The following NPLOC4 variants were observed in gnomAD, a reference collection of about 807,000 sequenced individuals.
NPLOC4 encodes NPL4 homolog, ubiquitin recognition factor.
NPLOC4 carries 18 observed loss-of-function variants against 80.6 expected under a neutral mutation model. The observed-to-expected ratio is 0.22, with a 90% CI of 0.15 to 0.33. NPLOC4 has a LOEUF of 0.33. Among genes scored for constraint, NPLOC4 ranks in the 10% least tolerant of loss-of-function variants. The probability of loss-of-function intolerance (pLI) is 1.00; values close to 1 mark genes in which losing one functional copy is unlikely to be tolerated. For missense variants in NPLOC4, 540 were observed against 786.1 expected (o/e 0.69, Z 3.74); for synonymous variants, 313 against 301.5 (o/e 1.04, Z -0.39).
At position 81,616,939 on chromosome 17, in the gene NPLOC4, G is replaced by T. The variant is rs144637953; in HGVS notation, c.210-3445C>A. On this transcript the variant is annotated intron_variant, in intron 3 of 16. Coordinates refer to ENST00000331134, the MANE Select transcript of NPLOC4 (RefSeq NM_017921.4). ...TGACCAGGCGGGATTCTAGGACATG[G>T]AAGTGGCAGGCACCAAAGTCAGTGG... 4.4e-4 allele frequency among the ~76,000 whole-genome samples: 67 copies of T among 152,330 alleles called. No homozygotes were observed. The East Asian group carries it at 0.012, about 27-fold the overall frequency.
intron 12 of NPLOC4, among the ~76,000 whole-genome samples, chr17:81,574,967 C>A (rs189159331): frequency 6.6e-6 from 1 of 152,154 alleles, no homozygotes; most frequent in Non-Finnish European, 1.5e-5. Flanking sequence ...TGGCATCAAC[C>A]CTGCTTTAGA....
rs747583677 is a variant in NPLOC4, at chr17:81,606,668, TAGAC to T, written c.654+19_654+22del. 3 of 1,604,316 alleles carry T rather than the reference TAGAC, an allele frequency of 1.9e-6. No individual in the cohort carries two copies. The highest frequency in any genetic ancestry group is 2.7e-5 in the African/African-American group (2 of 74,596). On this transcript the variant is annotated intron_variant, in intron 7 of 16. Transcript: ENST00000331134. ...CGTTTCTCAGCCATGAAAACAAATC[TAGAC>T]AGACAGGGAACATCTCACCTGTCTG...
At chr17:81,607,351 T>C (rs1328427640) in intron 6 of NPLOC4, among the ~76,000 whole-genome samples, 5 of 150,720 alleles carry the variant, frequency 3.3e-5, no homozygotes, top group Admixed American at 6.7e-5. Flanking sequence ...GACCCTACTC[T>C]GAACTTTTTC....
chr17:81,564,083 A>AACACACACACACACACACACACAC (rs58774657), intron 16 of NPLOC4: 260 of 274,902 alleles, frequency 9.5e-4, no homozygotes, highest in African/African-American at 6.3e-3. Context: ...TCCAGCTCAA[A>AACACACACACACACACACACACAC]ACACACACAC....
In NPLOC4 at chr17:81,608,808, G is replaced by C. The variant is rs1477960880; in HGVS notation, c.450C>G (p.Asp150Glu). 20 of 1,583,358 alleles carry C rather than the reference G, an allele frequency of 1.3e-5. No homozygotes were observed. Among genetic ancestry groups the C allele is most frequent in the Non-Finnish European group, 1.7e-5 (20 of 1,164,384 alleles). Reference sequence around the variant, plus strand: ...CGGGAGGCTCGAGATGGTTTAGATAGTCCTCATCGAATGGCTGCCAAGACA... The same window carrying C: ...CGGGAGGCTCGAGATGGTTTAGATACTCCTCATCGAATGGCTGCCAAGACA... ...HCVPLEPFDE[D>E]YLNHLEPPVK... Residue 150 changes from aspartate to glutamate, a missense_variant, in exon 6 of 17, where the codon GAC (aspartate) becomes GAG (glutamate). Around this residue, in one of 6 missense-constraint regions of NPLOC4, gnomAD observed 61 missense variants for 156.7 expected, o/e 0.39. Coordinates refer to ENST00000331134, the MANE Select transcript of NPLOC4 (RefSeq NM_017921.4).
intron 16 of NPLOC4, chr17:81,563,747 G>T: frequency 2.8e-6 from 1 of 351,256 alleles, no homozygotes; most frequent in African/African-American, 2.2e-5. Context: ...AGACCTCATT[G>T]ATACAAAAAT....
intron 16 of NPLOC4, among the ~76,000 whole-genome samples, chr17:81,561,552 C>T (rs1312012358): frequency 6.6e-6 from 1 of 152,162 alleles, no homozygotes; most frequent in Non-Finnish European, 1.5e-5. Context: ...TTTGCGTACC[C>T]CAAGGCCCTG....
At chr17:81,598,057 T>C (rs2034966791) in intron 9 of NPLOC4, among the ~76,000 whole-genome samples, 1 of 139,842 alleles carries the variant, frequency 7.2e-6, no homozygotes, top group Non-Finnish European at 1.5e-5. Flanking sequence ...ATTGCGTCAC[T>C]GCACTCCAGC....
At chr17:81,589,398 G>A (rs371406645) in intron 11 of NPLOC4, among the ~76,000 whole-genome samples, 6 of 151,866 alleles carry the variant, frequency 4.0e-5, no homozygotes, top group African/African-American at 9.7e-5. Flanking sequence ...GTGCGGTGGC[G>A]GGCGCCTGTA....
At chr17:81,615,612 G>C (rs757699660) in intron 3 of NPLOC4, among the ~76,000 whole-genome samples, 1 of 152,176 alleles carries the variant, frequency 6.6e-6, no homozygotes, top group East Asian at 1.9e-4. Flanking sequence ...CTGCTTGTGG[G>C]GCCAAGGCCA....
chr17:81,605,866 G>A (rs1290528286), intron 7 of NPLOC4, among the ~76,000 whole-genome samples: 2 of 148,862 alleles, frequency 1.3e-5, no homozygotes, highest in South Asian at 2.1e-4. Context: ...CTGTCACCCA[G>A]GCTGGAGTGC....
chr17:81,606,957 G>A (rs781136580), intron 6 of NPLOC4, 143 bp from the exon 7 acceptor site: 4 of 712,084 alleles, frequency 5.6e-6, no homozygotes, highest in Non-Finnish European at 4.8e-6. Context: ...ATGGGCTAAG[G>A]ATGATTCTAA....
intron 2 of NPLOC4, among the ~76,000 whole-genome samples, chr17:81,623,084 C>A (rs2035707284): frequency 6.6e-6 from 1 of 151,696 alleles, no homozygotes. Flanking sequence ...ATCCCAGCTA[C>A]CCGTGAGGCT....
intron 9 of NPLOC4, among the ~76,000 whole-genome samples, chr17:81,598,123 G>T (rs2034970054): frequency 6.7e-6 from 1 of 149,104 alleles, no homozygotes; most frequent in African/African-American, 2.4e-5. Context: ...AAAGATAGAT[G>T]ATGAATGTTT....
intron 1 of NPLOC4, among the ~76,000 whole-genome samples, chr17:81,630,521 T>C (rs1394904015): frequency 1.3e-5 from 2 of 152,046 alleles, no homozygotes; most frequent in Admixed American, 1.3e-4. Context: ...GCTCAAGTGA[T>C]CCTGCCACTG....
chr17:81,613,504 T>C lies in NPLOC4; in HGVS notation c.210-10A>G. 4 of 1,609,552 alleles carry C rather than the reference T, an allele frequency of 2.5e-6. No homozygotes were observed. In the East Asian group the frequency reaches 8.9e-5, roughly 36 times the overall value. On this transcript the variant is annotated splice_polypyrimidine_tract_variant and intron_variant, in intron 3 of 16. Transcript: ENST00000331134. Reference sequence around the variant, plus strand: ...CAACAAATCGCCATGCCTGTTCAAATGATAAACAGAGGCTGATGCCTTCCC... The same window carrying C: ...CAACAAATCGCCATGCCTGTTCAAACGATAAACAGAGGCTGATGCCTTCCC...
intron 1 of NPLOC4, among the ~76,000 whole-genome samples, chr17:81,635,699 G>A (rs1263463731): frequency 2.0e-5 from 3 of 152,076 alleles, no homozygotes; most frequent in Admixed American, 1.3e-4. Context: ...GAGTCACCGC[G>A]CCGGGCCTGG....
At chr17:81,615,999 AG>A (rs1292983929) in intron 3 of NPLOC4, among the ~76,000 whole-genome samples, 2 of 152,204 alleles carry the variant, frequency 1.3e-5, no homozygotes, top group Non-Finnish European at 2.9e-5. Flanking sequence ...TGCCAACAAA[AG>A]CAAATGCAAA....
At chr17:81,632,777 T>C (rs989195758) in intron 1 of NPLOC4, among the ~76,000 whole-genome samples, 2 of 152,192 alleles carry the variant, frequency 1.3e-5, no homozygotes, top group African/African-American at 4.8e-5. Context: ...AAAGGCTCAG[T>C]CTACTGGGAT....
Sources: gnomAD v4.1 joint callset for allele counts (sites outside exome capture counted in the v4.1 genomes callset) on GRCh38, gnomAD v4.1.1 for gene constraint, gnomAD v4.1.1 regional missense constraint, MANE v1.5 for transcripts, NCBI Gene and HGNC (gene_info 2026-07-23, HGNC 2026-07-21) for gene names.